The following RNF130 variants were observed in gnomAD, a reference collection of about 807,000 sequenced individuals.
RNF130 encodes ring finger protein 130, also known as E3 ubiquitin-protein ligase RNF130.
Under a neutral mutation model 44.6 loss-of-function variants are expected in RNF130, and 21 were observed. The observed-to-expected ratio is 0.47, with a 90% CI of 0.33 to 0.68. RNF130 has a LOEUF of 0.68. RNF130 is among the 30% of genes least tolerant of loss of function. The pLI is 0.02. For synonymous variants in RNF130, 214 were observed against 210.4 expected (o/e 1.02, Z -0.15); for missense variants, 479 against 560.6 (o/e 0.85, Z 1.47).
rs200771730 is a variant in RNF130 at position 179,978,320 on chromosome 5, G to A, written c.766-35C>T. ...AAAGTACAGAAACAAAAAGTCACAC[G>A]CTGCAAGTATATAAATGGTTGGGAT... On this transcript the variant is annotated intron_variant, in intron 4 of 8. Coordinates refer to ENST00000521389, the MANE Select transcript of RNF130 (RefSeq NM_018434.6). 49 of 1,390,314 alleles carry A rather than the reference G, an allele frequency of 3.5e-5. No homozygotes were observed. The African/African-American group carries it at 5.1e-4, about 14-fold the overall frequency. 86.1% of individuals were successfully genotyped at this position (1,390,314 alleles called of 1,614,324 possible).
chr5:180,051,973 A>C lies in RNF130; in HGVS notation c.248-11326T>G, dbSNP rs537827001. Among the ~76,000 whole-genome samples the C allele has an allele frequency of 9.8e-5, 15 of 152,304 alleles. No homozygotes were observed. The South Asian group carries it at 3.1e-3, about 32-fold the overall frequency. On this transcript the variant is annotated intron_variant, in intron 1 of 8. Coordinates refer to ENST00000521389, the MANE Select transcript of RNF130 (RefSeq NM_018434.6). ...GTGTCACAGTGCAATATAAGTGTTA[A>C]TTGTTTATCCACATCACTCTTCGTT...
chr5:180,027,813 C>T (rs1419490020), intron 2 of RNF130, among the ~76,000 whole-genome samples: 5 of 152,218 alleles, frequency 3.3e-5, no homozygotes, highest in African/African-American at 1.2e-4. Context: ...AGCTAGGAAC[C>T]CTGCTAGCTG....
At chr5:180,054,903 T>C (rs779305428) in intron 1 of RNF130, among the ~76,000 whole-genome samples, 8 of 152,160 alleles carry the variant, frequency 5.3e-5, no homozygotes, top group Non-Finnish European at 8.8e-5. Context: ...TTAAATGATA[T>C]TGTGAAATTT....
chr5:179,978,771 G>A (rs1189236495), intron 4 of RNF130, among the ~76,000 whole-genome samples: 2 of 152,206 alleles, frequency 1.3e-5, no homozygotes, highest in Non-Finnish European at 2.9e-5. Context: ...TGGGAGCTGT[G>A]AATCTGGTCA....
chr5:180,035,277 T>C (rs1340275524), intron 2 of RNF130, among the ~76,000 whole-genome samples: 1 of 152,244 alleles, frequency 6.6e-6, no homozygotes, highest in Non-Finnish European at 1.5e-5. Context: ...GAATTTTTTA[T>C]TGGACCCGTG....
At chr5:180,025,609 G>C (rs1763967232) in intron 2 of RNF130, among the ~76,000 whole-genome samples, 1 of 152,138 alleles carries the variant, frequency 6.6e-6, no homozygotes, top group Non-Finnish European at 1.5e-5. Flanking sequence ...AAGTGTTTCA[G>C]TTTTAGATTT....
intron 2 of RNF130, among the ~76,000 whole-genome samples, chr5:180,024,998 ACT>A (rs1763955350): frequency 2.0e-5 from 3 of 152,148 alleles, no homozygotes; most frequent in Admixed American, 1.3e-4. Context: ...GAGGTGAAAC[ACT>A]CTGTAATACA....
Position 179,993,925 on chromosome 5 carries a change from G to C in RNF130, c.694-13725C>G, listed in dbSNP as rs1336820225. Among the ~76,000 whole-genome samples, 6 of 152,196 alleles carry C rather than the reference G, an allele frequency of 3.9e-5. No individual in the cohort carries two copies. The East Asian group carries it at 1.2e-3, about 29-fold the overall frequency. ...GTATAAGGTGTAAGGAAGGGATCCA[G>C]TTTCAGCTTTCTACATATGGCTAGC... On this transcript the variant is annotated intron_variant, in intron 3 of 8. Transcript: ENST00000521389.
chr5:180,058,175 G>C (rs1055210990), intron 1 of RNF130, among the ~76,000 whole-genome samples: 1 of 152,154 alleles, frequency 6.6e-6, no homozygotes, highest in African/African-American at 2.4e-5. Context: ...GCCGTGACTG[G>C]AAGGGACCTG....
intron 1 of RNF130, among the ~76,000 whole-genome samples, chr5:180,070,321 T>C (rs1052506828): frequency 3.9e-5 from 6 of 152,180 alleles, no homozygotes; most frequent in Non-Finnish European, 7.3e-5. Flanking sequence ...TGATTACTGG[T>C]GTAAAACGGA....
chr5:180,044,899 G>A (rs1404637942), intron 1 of RNF130, among the ~76,000 whole-genome samples: 6 of 152,110 alleles, frequency 3.9e-5, no homozygotes, highest in African/African-American at 9.7e-5. Flanking sequence ...AGAAGCTGAC[G>A]TTAGAGGGTG....
At chr5:180,055,271 A>ACAGC (rs1764786007) in intron 1 of RNF130, among the ~76,000 whole-genome samples, 1 of 18,812 alleles carries the variant, frequency 5.3e-5, no homozygotes, top group Non-Finnish European at 1.2e-4. Flanking sequence ...AAAAAAAAAA[A>ACAGC]AAAAAAAAAC....
chr5:179,988,699 T>A (rs1422944309), intron 3 of RNF130, among the ~76,000 whole-genome samples: 1 of 152,244 alleles, frequency 6.6e-6, no homozygotes, highest in Non-Finnish European at 1.5e-5. Flanking sequence ...GTAGATACTG[T>A]TTCCAAAGTT....
intron 7 of RNF130, among the ~76,000 whole-genome samples, chr5:179,943,395 G>A (rs1361194811): frequency 1.3e-5 from 2 of 152,154 alleles, no homozygotes; most frequent in African/African-American, 2.4e-5. Context: ...CTGGGACACT[G>A]GGATCAGGGA....
intron 1 of RNF130, among the ~76,000 whole-genome samples, chr5:180,068,883 C>T (rs907214310): frequency 6.6e-6 from 1 of 152,148 alleles, no homozygotes; most frequent in African/African-American, 2.4e-5. Flanking sequence ...CATTACTTTG[C>T]TTAGTGTCAA....
At chr5:179,949,209 C>A (rs1762088944) in intron 7 of RNF130, among the ~76,000 whole-genome samples, 1 of 151,804 alleles carries the variant, frequency 6.6e-6, no homozygotes, top group Non-Finnish European at 1.5e-5. Context: ...AGGTGATCTG[C>A]CTGCCTTGGC....
downstream of RNF130, among the ~76,000 whole-genome samples, chr5:179,951,747 T>C (rs1433051154): frequency 2.0e-5 from 3 of 152,018 alleles, no homozygotes; most frequent in Non-Finnish European, 4.4e-5. Flanking sequence ...TAGAATGAAA[T>C]TGGAAATCTA....
intron 7 of RNF130, among the ~76,000 whole-genome samples, chr5:179,930,330 A>G (rs1323268565): frequency 1.3e-5 from 2 of 152,226 alleles, no homozygotes; most frequent in East Asian, 3.8e-4. Context: ...TGCTAGGATT[A>G]CAGGCATGAG....
chr5:179,933,213 A>G (rs557458442), intron 7 of RNF130, among the ~76,000 whole-genome samples: 2 of 152,354 alleles, frequency 1.3e-5, no homozygotes, highest in Admixed American at 1.3e-4. Context: ...AGAATTCACC[A>G]ATGAAATCAT....
Sources: gnomAD v4.1 joint callset for allele counts (sites outside exome capture counted in the v4.1 genomes callset) on GRCh38, gnomAD v4.1.1 for gene constraint, MANE v1.5 for transcripts, NCBI Gene and HGNC (gene_info 2026-07-23, HGNC 2026-07-21) for gene names.